The following ANKFN1 variants were observed in gnomAD, a reference collection of about 807,000 sequenced individuals.
ANKFN1 encodes ankyrin repeat and fibronectin type III domain containing 1, also known as ankyrin repeat and fibronectin type-III domain-containing protein 1.
A neutral mutation model predicts 108.7 loss-of-function variants in ANKFN1; 74 were observed. The ratio of observed to expected loss-of-function variants is 0.68; its 90% CI spans 0.56 to 0.83. The LOEUF (loss-of-function observed/expected upper bound fraction) is 0.83, where lower values mean the gene tolerates loss of function less well. Among genes scored for constraint, ANKFN1 ranks in the 40% least tolerant of loss-of-function variants. ANKFN1 has a pLI of 0.00. For missense variants in ANKFN1, 1,505 were observed against 1,382.3 expected (o/e 1.09, Z -1.41); for synonymous variants, 547 against 516.2 (o/e 1.06, Z -0.81).
intron 8 of ANKFN1, among the ~76,000 whole-genome samples, chr17:56,383,282 G>A (rs1353606900): frequency 4.6e-5 from 7 of 152,178 alleles, no homozygotes; most frequent in South Asian, 4.2e-4. Context: ...TGAAACCAAC[G>A]AGAACAAAGA....
chr17:56,481,403 T>G (rs1458830115), intron 17 of ANKFN1, among the ~76,000 whole-genome samples: 1 of 152,136 alleles, frequency 6.6e-6, no homozygotes, highest in Non-Finnish European at 1.5e-5. Flanking sequence ...TTTTTTAGGC[T>G]CTGCCCAATA....
chr17:56,505,732 A>C (rs1325291355), intron 20 of ANKFN1, among the ~76,000 whole-genome samples: 1 of 152,240 alleles, frequency 6.6e-6, no homozygotes, highest in Non-Finnish European at 1.5e-5. Context: ...CCACCTGGGG[A>C]AAACAATACA....
intron 4 of ANKFN1, among the ~76,000 whole-genome samples, chr17:56,117,181 C>G (rs1259523385): frequency 6.6e-6 from 1 of 152,098 alleles, no homozygotes; most frequent in East Asian, 1.9e-4. Context: ...CACTGTCAGT[C>G]TTTTTCATCA....
intron 4 of ANKFN1, among the ~76,000 whole-genome samples, chr17:56,065,507 G>A (rs1905046126): frequency 1.3e-5 from 2 of 152,046 alleles, no homozygotes; most frequent in South Asian, 2.1e-4. Context: ...TGCCTTTCTC[G>A]CTAAGTTTGA....
chr17:56,077,604 A>C (rs910399999), intron 4 of ANKFN1, among the ~76,000 whole-genome samples: 1 of 152,070 alleles, frequency 6.6e-6, no homozygotes, highest in Admixed American at 6.5e-5. Context: ...TATTTTGTGC[A>C]TTTTCTAAAC....
At chr17:56,061,557 G>A (rs1381416890) in intron 4 of ANKFN1, among the ~76,000 whole-genome samples, 1 of 152,102 alleles carries the variant, frequency 6.6e-6, no homozygotes, top group Non-Finnish European at 1.5e-5. Context: ...ACAGGCATGA[G>A]CCACCACACC....
intron 18 of ANKFN1, among the ~76,000 whole-genome samples, chr17:56,485,455 T>A (rs748393618): frequency 1.1e-4 from 17 of 152,106 alleles, no homozygotes; most frequent in Non-Finnish European, 2.4e-4. Context: ...TGGAGCATAG[T>A]AAGCAAAAGC....
intron 1 of ANKFN1, among the ~76,000 whole-genome samples, chr17:56,154,225 T>C (rs1229676243): frequency 6.6e-6 from 1 of 152,212 alleles, no homozygotes; most frequent in Non-Finnish European, 1.5e-5. Flanking sequence ...TGGTTAATAC[T>C]AATCACAGGT....
intron 4 of ANKFN1, among the ~76,000 whole-genome samples, chr17:56,089,709 A>G (rs1905377522): frequency 6.6e-6 from 1 of 151,330 alleles, no homozygotes; most frequent in East Asian, 1.9e-4. Context: ...ATCTCTGCCT[A>G]TATCCCCATA....
chr17:56,179,342 G>A (rs1441889247), intron 1 of ANKFN1, among the ~76,000 whole-genome samples: 1 of 152,190 alleles, frequency 6.6e-6, no homozygotes, highest in East Asian at 1.9e-4. Flanking sequence ...TCTTAGCCAG[G>A]AGAAATAGGC....
At chr17:56,412,818 G>A (rs995740054) in intron 8 of ANKFN1, among the ~76,000 whole-genome samples, 2 of 152,130 alleles carry the variant, frequency 1.3e-5, no homozygotes, top group African/African-American at 2.4e-5. Context: ...ATGATCATGT[G>A]AGTCAATACT....
intron 3 of ANKFN1, among the ~76,000 whole-genome samples, chr17:56,239,637 C>T (rs573442707): frequency 6.8e-4 from 104 of 152,244 alleles, no homozygotes; most frequent in Non-Finnish European, 1.3e-3. Context: ...TCTATTTACT[C>T]TCCAGATTGC....
intron 8 of ANKFN1, among the ~76,000 whole-genome samples, chr17:56,420,637 C>T (rs1364687199): frequency 1.3e-5 from 2 of 148,816 alleles, no homozygotes; most frequent in Non-Finnish European, 3.0e-5. Flanking sequence ...AGCCTGGAAA[C>T]TCTGTGGCAG....
At chr17:56,147,262 C>G (rs897236969) in intron 4 of ANKFN1, among the ~76,000 whole-genome samples, 1 of 152,188 alleles carries the variant, frequency 6.6e-6, no homozygotes, top group African/African-American at 2.4e-5. Flanking sequence ...CTGTTCCAGC[C>G]TCTGCCTGTT....
intron 1 of ANKFN1, among the ~76,000 whole-genome samples, chr17:56,205,857 C>G (rs964405061): frequency 6.6e-6 from 1 of 152,110 alleles, no homozygotes; most frequent in Non-Finnish European, 1.5e-5. Context: ...CAAGAAATGT[C>G]AGAATCTCTT....
chr17:56,078,219 G>C (rs990214774), intron 4 of ANKFN1, among the ~76,000 whole-genome samples: 1 of 152,178 alleles, frequency 6.6e-6, no homozygotes, highest in African/African-American at 2.4e-5. Flanking sequence ...CCTGGCCAGA[G>C]TTGACACAGA....
intron 2 of ANKFN1, among the ~76,000 whole-genome samples, chr17:56,214,147 A>G (rs534750161): frequency 2.0e-5 from 3 of 152,366 alleles, no homozygotes; most frequent in South Asian, 4.1e-4. Flanking sequence ...AAGAGAATAC[A>G]TCAGACTTCA....
At chr17:56,283,768 A>T (rs986606007) in intron 3 of ANKFN1, among the ~76,000 whole-genome samples, 2 of 151,796 alleles carry the variant, frequency 1.3e-5, no homozygotes, top group East Asian at 3.9e-4. Flanking sequence ...GAGGGATAAA[A>T]CTCTACAAAT....
At chr17:56,282,931 C>G (rs2044122045) in intron 3 of ANKFN1, among the ~76,000 whole-genome samples, 1 of 152,054 alleles carries the variant, frequency 6.6e-6, no homozygotes, top group Non-Finnish European at 1.5e-5. Context: ...GGTATGGTAG[C>G]AGATGGAAAG....
Sources: gnomAD v4.1 joint callset for allele counts (sites outside exome capture counted in the v4.1 genomes callset) on GRCh38, gnomAD v4.1.1 for gene constraint, MANE v1.5 for transcripts, NCBI Gene and HGNC (gene_info 2026-07-23, HGNC 2026-07-21) for gene names.